Variants in DCLK1 observed in about 807,000 individuals in gnomAD.
DCLK1 encodes the protein doublecortin like kinase 1.
A neutral mutation model predicts 86.2 loss-of-function variants in DCLK1; 16 were observed. The observed-to-expected ratio is 0.19, with a 90% CI of 0.13 to 0.28. DCLK1 has a LOEUF of 0.28. Among genes scored for constraint, DCLK1 ranks in the 10% least tolerant of loss-of-function variants. The pLI is 1.00. For synonymous variants in DCLK1, 369 were observed against 370.5 expected (o/e 1.00, Z 0.05); for missense variants, 590 against 940.2 (o/e 0.63, Z 4.87).
chr13:35,872,286 T>A (rs930329118), intron 4 of DCLK1, among the ~76,000 whole-genome samples: 2 of 152,214 alleles, frequency 1.3e-5, no homozygotes, highest in Non-Finnish European at 2.9e-5. Flanking sequence ...GAGGGGGGTA[T>A]AGAAACTTCT....
intron 3 of DCLK1, among the ~76,000 whole-genome samples, chr13:36,086,144 C>T (rs1321499892): frequency 4.6e-5 from 7 of 152,206 alleles, no homozygotes; most frequent in African/African-American, 9.6e-5. Context: ...CCCCATCCAA[C>T]TCAGCAGCCA....
At chr13:36,124,047 AG>A (rs1479559188) in intron 2 of DCLK1, among the ~76,000 whole-genome samples, 1 of 152,210 alleles carries the variant, frequency 6.6e-6, no homozygotes, top group Non-Finnish European at 1.5e-5. Flanking sequence ...ATGCTACACA[AG>A]TGACTCTGGA....
chr13:36,035,621 G>A (rs911799174), intron 3 of DCLK1, among the ~76,000 whole-genome samples: 1 of 152,078 alleles, frequency 6.6e-6, no homozygotes, highest in African/African-American at 2.4e-5. Flanking sequence ...TCACTGCAGC[G>A]TCGAACTCCT....
At chr13:35,810,485 G>A (rs1311292439) in intron 12 of DCLK1, among the ~76,000 whole-genome samples, 2 of 152,302 alleles carry the variant, frequency 1.3e-5, no homozygotes, top group African/African-American at 2.4e-5. Flanking sequence ...TGTAATCACC[G>A]CACACGGCAG....
chr13:35,926,770 A>C (rs945977273), intron 4 of DCLK1, among the ~76,000 whole-genome samples: 2 of 152,184 alleles, frequency 1.3e-5, no homozygotes, highest in African/African-American at 4.8e-5. Flanking sequence ...TGTGATTGGT[A>C]CTACTTTTGT....
intron 3 of DCLK1, among the ~76,000 whole-genome samples, chr13:35,960,912 C>T (rs530560747): frequency 6.6e-6 from 1 of 152,226 alleles, no homozygotes; most frequent in Non-Finnish European, 1.5e-5. Flanking sequence ...TCATGATTGG[C>T]TCTGAATGTC....
chr13:36,011,972 C>G (rs527405643), intron 3 of DCLK1, among the ~76,000 whole-genome samples: 2 of 149,966 alleles, frequency 1.3e-5, no homozygotes, highest in South Asian at 4.3e-4. Context: ...ATCCCTTTAC[C>G]ATTATATAAT....
At chr13:35,958,838 A>C (rs943185896) in intron 3 of DCLK1, among the ~76,000 whole-genome samples, 8 of 152,252 alleles carry the variant, frequency 5.3e-5, no homozygotes, top group Non-Finnish European at 2.9e-5. Context: ...ATATTGGAGA[A>C]AGATGCTTGT....
chr13:36,087,942 GTAGCAC>G (rs1884670467), intron 3 of DCLK1, among the ~76,000 whole-genome samples: 5 of 152,156 alleles, frequency 3.3e-5, no homozygotes, highest in African/African-American at 1.2e-4. Context: ...GAAGTCTTGG[GTAGCAC>G]TAGAGTGCCC....
intron 9 of DCLK1, 77 bp from the exon 10 acceptor site, chr13:35,827,831 T>C (rs986576937): frequency 1.3e-6 from 2 of 1,545,974 alleles, no homozygotes; most frequent in Admixed American, 1.7e-5. Context: ...ACAACTATAC[T>C]ATGTAAGGGT....
intron 5 of DCLK1, among the ~76,000 whole-genome samples, chr13:35,864,392 C>T (rs1229517319): frequency 9.0e-6 from 1 of 110,912 alleles, no homozygotes; most frequent in South Asian, 2.9e-4. Flanking sequence ...GGTGAAACCC[C>T]GTCTCTACTA....
chr13:35,941,605 GCA>G (rs1302645828), intron 4 of DCLK1, among the ~76,000 whole-genome samples: 1 of 151,786 alleles, frequency 6.6e-6, no homozygotes, highest in Non-Finnish European at 1.5e-5. Flanking sequence ...ATACACACAC[GCA>G]CACACACACG....
At chr13:35,956,377 G>GTAGGTAGTTAACATTGTGGCATGGTTTC in intron 3 of DCLK1, among the ~76,000 whole-genome samples, 1 of 152,160 alleles carries the variant, frequency 6.6e-6, no homozygotes, top group Admixed American at 6.6e-5. Context: ...ATTCATGCAA[G>GTAGGTAGTTAACATTGTGGCATGGTTTC]TAGGTAGTTA....
In DCLK1 at chr13:35,924,018, G is replaced by A. The variant is rs946639303; in HGVS notation, c.823+23340C>T. Among the ~76,000 whole-genome samples the A allele has an allele frequency of 1.4e-4, 21 of 152,168 alleles. No individual in the cohort carries two copies. In the South Asian group the frequency reaches 4.2e-3, roughly 30 times the overall value. On this transcript the variant is annotated intron_variant, in intron 4 of 16. Coordinates refer to ENST00000360631, the MANE Select transcript of DCLK1 (RefSeq NM_001330071.2). ...TTTCAGCTGTGTTTCCAATTACCAC[G>A]TCACCCACCATTTACTCAAGTATCA... is the stretch of plus-strand genomic sequence containing the variant.
rs754957676 is a variant in DCLK1 at position 35,828,321 on chromosome 13, G to A, written c.1230-14C>T. On this transcript the variant is annotated splice_polypyrimidine_tract_variant and intron_variant, in intron 8 of 16. Transcript: ENST00000360631. ...CTAGCAGTCGATCTGCGAAGAGAAAGTTCATGTTTTTAAAATGAAACTTAA... is the reference window on the plus strand; with the variant it reads ...CTAGCAGTCGATCTGCGAAGAGAAAATTCATGTTTTTAAAATGAAACTTAA... The A allele has an allele frequency of 2.5e-6, 4 of 1,597,774 alleles. No homozygotes were observed. Among genetic ancestry groups the A allele is most frequent in the South Asian group, 1.1e-5 (1 of 88,218 alleles).
chr13:35,828,926 T>G (rs961943849), intron 8 of DCLK1, among the ~76,000 whole-genome samples: 2 of 152,144 alleles, frequency 1.3e-5, no homozygotes, highest in African/African-American at 2.4e-5. Flanking sequence ...CTCAGTTCAG[T>G]GTGAGAGCCT....
At chr13:35,785,023 C>T (rs752613546) in intron 16 of DCLK1, among the ~76,000 whole-genome samples, 7 of 152,292 alleles carry the variant, frequency 4.6e-5, no homozygotes, top group African/African-American at 7.2e-5. Flanking sequence ...TGTTTCAGGA[C>T]GGTGCTTGAA....
At chr13:35,795,406 A>G (rs1228470971) in intron 15 of DCLK1, among the ~76,000 whole-genome samples, 5 of 152,248 alleles carry the variant, frequency 3.3e-5, no homozygotes, top group African/African-American at 9.6e-5. Context: ...CTTCATCTCC[A>G]TTAGGAATAG....
At chr13:35,900,682 G>A (rs1194487664) in intron 4 of DCLK1, among the ~76,000 whole-genome samples, 1 of 152,134 alleles carries the variant, frequency 6.6e-6, no homozygotes, top group Non-Finnish European at 1.5e-5. Context: ...GCTGTGCATT[G>A]AAGGATGTTT....
Sources: allele counts gnomAD v4.1 joint callset (sites outside exome capture counted in the v4.1 genomes callset), GRCh38; gene constraint gnomAD v4.1.1; transcripts MANE v1.5; gene names NCBI Gene and HGNC (gene_info 2026-07-23, HGNC 2026-07-21).